The following DKK3 variants were observed in gnomAD, a reference collection of about 807,000 sequenced individuals.
The protein encoded by DKK3 is dickkopf Wnt signaling pathway inhibitor 3, also known as dickkopf-related protein 3.
A neutral mutation model predicts 33.2 loss-of-function variants in DKK3; 22 were observed. That is an observed-to-expected ratio of 0.66 (90% confidence interval 0.47 to 0.95). The LOEUF (loss-of-function observed/expected upper bound fraction) is 0.95, where lower values mean the gene tolerates loss of function less well. DKK3 is among the 40% of genes least tolerant of loss of function. The probability of loss-of-function intolerance (pLI) is 0.00; values close to 1 mark genes in which losing one functional copy is unlikely to be tolerated. For missense variants in DKK3, 398 were observed against 458.4 expected (o/e 0.87, Z 1.20); for synonymous variants, 194 against 188.8 (o/e 1.03, Z -0.23).
intron 3 of DKK3, among the ~76,000 whole-genome samples, chr11:11,991,936 C>A (rs1469126352): frequency 6.6e-6 from 1 of 152,168 alleles, no homozygotes; most frequent in Non-Finnish European, 1.5e-5. Context: ...CCCTGTGCAA[C>A]CTTTGCCTTT....
chr11:11,982,960 T>A (rs992969247), intron 3 of DKK3, among the ~76,000 whole-genome samples: 1 of 152,178 alleles, frequency 6.6e-6, no homozygotes, highest in South Asian at 2.1e-4. Flanking sequence ...AGGGAAGGAA[T>A]GATGCAGGGG....
rs1016437239 is a variant in DKK3 at position 12,008,003 on chromosome 11, G to A, written c.213+367C>T. ...CTTGGCGATGCCTGGAGCTTGTCCC[G>A]GGTTTCTGTGAAACCACAGTGCTGG... On this transcript the variant is annotated intron_variant, in intron 1 of 6. Coordinates refer to ENST00000683431, the MANE Select transcript of DKK3 (RefSeq NM_001018057.2). The surrounding 1 kb of genome is among the most constrained non-coding windows in gnomAD (Gnocchi z 4.6). Among the ~76,000 whole-genome samples the A allele has an allele frequency of 3.3e-5, 5 of 152,172 alleles. No homozygotes were observed. Among genetic ancestry groups the A allele is most frequent in the African/African-American group, 4.8e-5 (2 of 41,448 alleles).
intron 3 of DKK3, among the ~76,000 whole-genome samples, chr11:11,978,625 C>CA (rs1374692556): frequency 6.6e-6 from 1 of 152,018 alleles, no homozygotes; most frequent in Non-Finnish European, 1.5e-5. Flanking sequence ...GTGATCCTCC[C>CA]ACCTTGGCCT....
chr11:11,981,412 A>G (rs1341103106), intron 3 of DKK3, among the ~76,000 whole-genome samples: 2 of 152,176 alleles, frequency 1.3e-5, no homozygotes, highest in Admixed American at 1.3e-4. Context: ...GAGACAAACC[A>G]TCCCCATGGT....
chr11:12,008,387 G>A lies in DKK3; in HGVS notation c.196C>T (p.Arg66Cys), dbSNP rs1228110066. ...GCACCCACCTCTTCCACCGCGCTGC[G>A]CAATTTGTGCTGCGTGTCCTCCATC... ...ELMEDTQHKL[R>C]SAVEEMEAEE... Residue 66 changes from arginine (R) to cysteine (C), a missense_variant, in exon 1 of 7, where the codon CGC (arginine) becomes TGC (cysteine). By Grantham distance (180) the Arg-to-Cys change is radical. Transcript: ENST00000683431. This position sits in a 1 kb window ranked among gnomAD's most constrained non-coding sequence, Gnocchi z 4.6. 1.2e-6 allele frequency: 2 copies of A among 1,606,300 alleles called. No homozygotes were observed. The highest frequency in any genetic ancestry group is 8.5e-7 in the Non-Finnish European group (1 of 1,177,998).
chr11:11,967,054 G>T lies in DKK3; in HGVS notation c.573C>A (p.Val191=). 6.2e-7 allele frequency: 1 copy of T among 1,613,972 alleles called. No individual in the cohort carries two copies. The highest frequency in any genetic ancestry group is 1.1e-5 in the South Asian group (1 of 91,076). Residue 191 remains valine, a synonymous_variant, in exon 5 of 7, where the codon GTC becomes GTA. Transcript: ENST00000683431. ...DSECCGDQLC[V]WGHCTKMATR... is the part of the protein sequence containing the mutation. Reference sequence around the variant, plus strand: ...TGGCCATTTTGGTGCAGTGACCCCAGACACACAGCTGGTCTCCACAGCACT... The same window carrying T: ...TGGCCATTTTGGTGCAGTGACCCCATACACACAGCTGGTCTCCACAGCACT...
chr11:12,009,178 T>A (rs931494741), upstream of DKK3: 5 of 982,930 alleles, frequency 5.1e-6, no homozygotes, highest in Non-Finnish European at 6.0e-6. Flanking sequence ...CCACCCCGAC[T>A]GGACCGAGTT....
rs903580058 is a variant in DKK3 at position 12,002,361 on chromosome 11, T to A, written c.290A>T (p.Glu97Val). The part of the protein sequence containing the change: ...LANLPPSYHN[E>V]TNTDTKVGNN... ...TCCAACCTTCGTGTCTGTGTTGGTC[T>A]CATTGTGATAGCTGGGAGGTAAGTT... Residue 97 changes from glutamate to valine, a missense_variant, in exon 2 of 7, where the codon GAG becomes GTG. By Grantham distance (121) the Glu-to-Val change is moderately radical. Transcript: ENST00000683431. The A allele has an allele frequency of 6.2e-7, 1 of 1,614,224 alleles. No homozygotes were observed. Among genetic ancestry groups the A allele is most frequent in the Middle Eastern group, 1.6e-4 (1 of 6,062 alleles).
intron 3 of DKK3, among the ~76,000 whole-genome samples, chr11:11,989,116 G>A (rs60147904): frequency 0.011 from 1,673 of 152,286 alleles, 30 homozygotes; most frequent in African/African-American, 0.038. Flanking sequence ...GCAAAATGGC[G>A]CAGCCACTAT....
chr11:11,997,833 C>T (rs565045865), intron 3 of DKK3, among the ~76,000 whole-genome samples: 52 of 152,298 alleles, frequency 3.4e-4, no homozygotes, highest in African/African-American at 1.2e-3. Flanking sequence ...AACTGTCATC[C>T]ATACACTGGT....
intron 3 of DKK3, among the ~76,000 whole-genome samples, chr11:11,981,808 C>A (rs926366797): frequency 6.6e-6 from 1 of 151,988 alleles, no homozygotes; most frequent in African/African-American, 2.4e-5. Context: ...CTACTTTGAC[C>A]CTGCCTGGCC....
intron 3 of DKK3, among the ~76,000 whole-genome samples, chr11:11,984,070 C>A (rs1217872773): frequency 1.3e-5 from 2 of 152,166 alleles, no homozygotes; most frequent in Non-Finnish European, 2.9e-5. Context: ...CGAGGAGTGA[C>A]TAGGAGGTCC....
chr11:11,990,902 G>A (rs530894925), intron 3 of DKK3, among the ~76,000 whole-genome samples: 2 of 152,336 alleles, frequency 1.3e-5, no homozygotes, highest in African/African-American at 4.8e-5. Flanking sequence ...AAGGGTCTAA[G>A]ATTCTATTCT....
chr11:11,979,777 T>TATC (rs1847917360), intron 3 of DKK3: 1 of 152,394 alleles, frequency 6.6e-6, no homozygotes, highest in African/African-American at 2.4e-5. Flanking sequence ...CAGCTCCAGT[T>TATC]ATCTGCCTAA....
chr11:11,981,006 C>T (rs969696501), intron 3 of DKK3, among the ~76,000 whole-genome samples: 19 of 152,144 alleles, frequency 1.2e-4, no homozygotes, highest in Admixed American at 2.6e-4. Flanking sequence ...ACAGCTTCTT[C>T]GACCAAGGGA....
At chr11:12,002,279 G>A in intron 2 of DKK3, 21 bp downstream of exon 2, 1 of 1,608,224 alleles carries the variant, frequency 6.2e-7, no homozygotes, top group Non-Finnish European at 8.5e-7. Flanking sequence ...TAGAAAGGAG[G>A]AAGTGCTGGC....
At chr11:11,997,228 T>G (rs917982463) in intron 3 of DKK3, among the ~76,000 whole-genome samples, 3 of 151,772 alleles carry the variant, frequency 2.0e-5, no homozygotes, top group Non-Finnish European at 2.9e-5. Flanking sequence ...TAGATTAAGT[T>G]TTTTTTTTGA....
chr11:12,008,526 C>T lies in DKK3; in HGVS notation c.57G>A (p.Thr19=). The T allele has an allele frequency of 1.3e-6, 2 of 1,566,386 alleles. No individual in the cohort carries two copies. The highest frequency in any genetic ancestry group is 1.7e-6 in the Non-Finnish European group (2 of 1,163,378). Residue 19 remains threonine (T), a synonymous_variant, in exon 1 of 7, where the codon ACG becomes ACA. Transcript: ENST00000683431. This position sits in a 1 kb window ranked among gnomAD's most constrained non-coding sequence, Gnocchi z 4.6. ...TCGCCGTCGGAGCGGGCGCGGGGGCCGTGGGGACCGCCGCCGCCAGCAGCA... is the reference window on the plus strand; with the variant it reads ...TCGCCGTCGGAGCGGGCGCGGGGGCTGTGGGGACCGCCGCCGCCAGCAGCA... The part of the protein sequence containing the change: ...LCLLLAAAVP[T]APAPAPTATS...
intron 3 of DKK3, 60 bp from the exon 4 acceptor site, chr11:11,968,547 G>GC: frequency 1.3e-6 from 2 of 1,526,030 alleles, no homozygotes; most frequent in Non-Finnish European, 1.8e-6. Context: ...GGCCCACAGT[G>GC]CCCAGGAAGG....
Sources: allele counts gnomAD v4.1 joint callset (sites outside exome capture counted in the v4.1 genomes callset), GRCh38; gene constraint gnomAD v4.1.1; non-coding constraint Gnocchi (gnomAD v3.1); transcripts MANE v1.5; gene names NCBI Gene and HGNC (gene_info 2026-07-23, HGNC 2026-07-21).